Variants in RCOR1 observed in about 807,000 individuals in gnomAD.
RCOR1 encodes the protein REST corepressor 1.
A neutral mutation model predicts 64.0 loss-of-function variants in RCOR1; 12 were observed. That is an observed-to-expected ratio of 0.19 (90% CI 0.12 to 0.30). RCOR1 has a LOEUF of 0.30. Among genes scored for constraint, RCOR1 ranks in the 10% least tolerant of loss-of-function variants. RCOR1 has a pLI of 1.00. For synonymous variants in RCOR1, 279 were observed against 227.2 expected, an observed-to-expected ratio of 1.23 and a Z score of -2.05; for missense variants, 502 against 621.2, an observed-to-expected ratio of 0.81 and a Z score of 2.04.
At position 102,701,373 on chromosome 14, in the gene RCOR1, AT is replaced by A. The variant is rs745377902; in HGVS notation, c.498+46del. The A allele has an allele frequency of 9.4e-6, 13 of 1,381,128 alleles. No homozygotes were observed. The Admixed American group carries it at 9.8e-5, about 10-fold the overall frequency. 85.6% of individuals were successfully genotyped at this position (1,381,128 alleles called of 1,614,324 possible). On this transcript the variant is annotated intron_variant, in intron 4 of 11. Coordinates refer to ENST00000262241, the MANE Select transcript of RCOR1 (RefSeq NM_015156.4). ...TTTCTTTTGCTGTTAAAAAATGAGT[AT>A]TTGTAACTAAATAATTATATTTTTT...
intron 8 of RCOR1, among the ~76,000 whole-genome samples, chr14:102,717,402 C>A (rs1434022914): frequency 2.6e-5 from 4 of 152,334 alleles, no homozygotes; most frequent in Non-Finnish European, 4.4e-5. Context: ...CAGACCAGGA[C>A]CCAAGCACAC....
At chr14:102,694,983 C>T (rs962158701) in intron 3 of RCOR1, among the ~76,000 whole-genome samples, 1 of 152,118 alleles carries the variant, frequency 6.6e-6, no homozygotes, top group African/African-American at 2.4e-5. Flanking sequence ...GGCTATAAGC[C>T]TTGTCATCAG....
At position 102,721,005 on chromosome 14, in the gene RCOR1, A is replaced by T; in HGVS notation, c.1054-2A>T. 1 of 1,458,698 alleles carries T rather than the reference A, an allele frequency of 6.9e-7. No individual in the cohort carries two copies. Among genetic ancestry groups the T allele is most frequent in the Non-Finnish European group, 9.3e-7 (1 of 1,071,860 alleles). 90.4% of individuals were successfully genotyped at this position (1,458,698 alleles called of 1,614,324 possible). ...AAATGAAAATTATTTTTTCCTTCCTAGATCCAGAATATTAAACAGACAAAC... is the reference window on the plus strand; with the variant it reads ...AAATGAAAATTATTTTTTCCTTCCTTGATCCAGAATATTAAACAGACAAAC... On this transcript the variant is annotated splice_acceptor_variant, in intron 8 of 11. Transcript: ENST00000262241. LOFTEE classifies it high-confidence loss of function.
At chr14:102,713,913 CTG>C (rs1896010740) in intron 7 of RCOR1, among the ~76,000 whole-genome samples, 1 of 152,158 alleles carries the variant, frequency 6.6e-6, no homozygotes, top group Non-Finnish European at 1.5e-5. Context: ...CAAGATTTTA[CTG>C]TGTTTCATTT....
chr14:102,686,060 T>C (rs1390582848), intron 3 of RCOR1, among the ~76,000 whole-genome samples: 10 of 152,174 alleles, frequency 6.6e-5, no homozygotes, highest in Admixed American at 5.9e-4. Context: ...AATTATCACA[T>C]GTACCCTGGA....
intron 2 of RCOR1, among the ~76,000 whole-genome samples, chr14:102,621,912 A>G (rs767404458): frequency 6.6e-6 from 1 of 152,202 alleles, no homozygotes; most frequent in South Asian, 2.1e-4. Flanking sequence ...AGATTGTACC[A>G]ATTTAGCTGG....
intron 2 of RCOR1, among the ~76,000 whole-genome samples, chr14:102,618,337 A>C (rs1893805633): frequency 1.3e-5 from 2 of 151,728 alleles, no homozygotes; most frequent in Admixed American, 6.6e-5. Context: ...GAGTACAGGG[A>C]CTGATGCCTG....
At chr14:102,722,769 T>A (rs1406004208) in intron 11 of RCOR1, among the ~76,000 whole-genome samples, 1 of 152,224 alleles carries the variant, frequency 6.6e-6, no homozygotes, top group African/African-American at 2.4e-5. Context: ...CTGTCCTGTC[T>A]GTGAGGGATG....
chr14:102,617,953 A>C (rs1000589878), intron 2 of RCOR1, among the ~76,000 whole-genome samples: 1 of 146,802 alleles, frequency 6.8e-6, no homozygotes, highest in South Asian at 2.2e-4. Context: ...CTACACTTAC[A>C]TAAGTTTCTT....
intron 2 of RCOR1, among the ~76,000 whole-genome samples, chr14:102,633,958 T>A (rs1199175144): frequency 2.6e-5 from 4 of 152,172 alleles, no homozygotes; most frequent in Non-Finnish European, 5.9e-5. Flanking sequence ...AGGTATGACA[T>A]TTAAGATGTG....
intron 2 of RCOR1, among the ~76,000 whole-genome samples, chr14:102,602,622 G>A (rs544809621): frequency 3.3e-5 from 5 of 152,108 alleles, no homozygotes; most frequent in South Asian, 2.1e-4. Flanking sequence ...TGGCCAGGCC[G>A]GTTTTGAACT....
chr14:102,679,315 AAT>A (rs1019543440), intron 2 of RCOR1, among the ~76,000 whole-genome samples: 2 of 152,050 alleles, frequency 1.3e-5, no homozygotes, highest in African/African-American at 4.8e-5. Context: ...TTTTTAAAAA[AAT>A]GTTTGTTTTG....
rs116238045 is a variant in RCOR1, at chr14:102,626,214, T to C, written c.361+32889T>C. 9.3e-3 allele frequency among the ~76,000 whole-genome samples: 1,421 copies of C among 152,324 alleles called. 24 individuals are homozygous for C. The highest frequency in any genetic ancestry group is 0.032 in the African/African-American group (1,345 of 41,570). Reference sequence around the variant, plus strand: ...ATTAGAACACAACCTCTCCTCCTATTCCTTTGTCTTCTTGTTTCATTAGTT... The same window carrying C: ...ATTAGAACACAACCTCTCCTCCTATCCCTTTGTCTTCTTGTTTCATTAGTT... On this transcript the variant is annotated intron_variant, in intron 2 of 11. Coordinates refer to ENST00000262241, the MANE Select transcript of RCOR1 (RefSeq NM_015156.4).
intron 2 of RCOR1, among the ~76,000 whole-genome samples, chr14:102,609,266 C>T (rs573513867): frequency 6.6e-6 from 1 of 151,856 alleles, no homozygotes; most frequent in African/African-American, 2.4e-5. Context: ...TCGTCTTGAA[C>T]TCCCGACCTC....
chr14:102,616,759 T>C (rs1424990737), intron 2 of RCOR1, among the ~76,000 whole-genome samples: 1 of 152,196 alleles, frequency 6.6e-6, no homozygotes, highest in Non-Finnish European at 1.5e-5. Context: ...CTACAAGCCA[T>C]GTTCAGCTCC....
chr14:102,676,247 T>C (rs1323214917), intron 2 of RCOR1, among the ~76,000 whole-genome samples: 1 of 149,858 alleles, frequency 6.7e-6, no homozygotes, highest in Non-Finnish European at 1.5e-5. Flanking sequence ...GACGGGGTCG[T>C]GGCCGGGCAG....
chr14:102,703,394 A>G (rs1895787220), intron 4 of RCOR1, among the ~76,000 whole-genome samples: 1 of 152,218 alleles, frequency 6.6e-6, no homozygotes, highest in East Asian at 1.9e-4. Flanking sequence ...GAATAAACTC[A>G]AAGAGGCTCA....
intron 3 of RCOR1, among the ~76,000 whole-genome samples, chr14:102,692,768 CTT>C (rs538053987): frequency 2.7e-5 from 3 of 111,900 alleles, no homozygotes; most frequent in Admixed American, 9.4e-5. Context: ...TTTTCTTTTT[CTT>C]TTTTTTTTTT....
chr14:102,627,904 A>G (rs1345306404), intron 2 of RCOR1, among the ~76,000 whole-genome samples: 2 of 151,582 alleles, frequency 1.3e-5, no homozygotes, highest in East Asian at 1.9e-4. Context: ...GTGTGCGTGT[A>G]TATATATATG....
Sources: allele counts gnomAD v4.1 joint callset (sites outside exome capture counted in the v4.1 genomes callset), GRCh38; gene constraint gnomAD v4.1.1; transcripts MANE v1.5; gene names NCBI Gene and HGNC (gene_info 2026-07-23, HGNC 2026-07-21).